Variants in RGS11 observed in about 807,000 individuals in gnomAD.
The protein encoded by RGS11 is regulator of G protein signaling 11, also known as regulator of G-protein signaling 11.
RGS11 carries 86 observed loss-of-function variants against 71.1 expected under a neutral mutation model. That is an observed-to-expected ratio of 1.21 (90% confidence interval 1.02 to 1.45). The LOEUF is 1.45. Ranked by LOEUF, RGS11 falls within the 40% of genes most tolerant of loss-of-function variation. RGS11 has a pLI of 0.00. For missense variants in RGS11, 734 were observed against 635.1 expected (o/e 1.16, Z -1.67); for synonymous variants, 298 against 254.2 (o/e 1.17, Z -1.64).
At position 269,362 on chromosome 16, in the gene RGS11, C is replaced by A; in HGVS notation, c.1311G>T (p.Arg437Ser). 6.2e-7 allele frequency: 1 copy of A among 1,603,408 alleles called. No individual in the cohort carries two copies. Among genetic ancestry groups the A allele is most frequent in the Non-Finnish European group, 8.5e-7 (1 of 1,175,584 alleles). Reference protein sequence around the residue: ...MKRRVFPFTWRPRHSSPSPAL... With the variant: ...MKRRVFPFTWSPRHSSPSPAL... ...CAGGGCTGGGGCTCGAGTGCCGTGGCCTCCACGTAAACGGGAACACGCTGT... is the reference window on the plus strand; with the variant it reads ...CAGGGCTGGGGCTCGAGTGCCGTGGACTCCACGTAAACGGGAACACGCTGT... The change falls in exon 17 of 17, where the codon AGG becomes AGT. Residue 437 changes from arginine to serine, a missense_variant. Coordinates refer to ENST00000397770, the MANE Select transcript of RGS11 (RefSeq NM_183337.3).
rs966863246 is a variant in RGS11 at position 268,848 on chromosome 16, T to C, written c.*421A>G. Reference sequence around the variant, plus strand: ...GCGCCGAGACCTGCATGTCCGCGTCTTGTGACGGGTGTGTGGGAAGCCGCC... The same window carrying C: ...GCGCCGAGACCTGCATGTCCGCGTCCTGTGACGGGTGTGTGGGAAGCCGCC... On this transcript the variant is annotated 3_prime_UTR_variant, in exon 17 of 17. Transcript: ENST00000397770. The C allele has an allele frequency of 1.9e-6, 3 of 1,550,390 alleles. No individual in the cohort carries two copies. Among genetic ancestry groups the C allele is most frequent in the South Asian group, 2.4e-5 (2 of 84,048 alleles).
At chr16:271,765 A>C in intron 9 of RGS11, 196 bp from the exon 10 acceptor site, 1 of 605,820 alleles carries the variant, frequency 1.7e-6, no homozygotes, top group Non-Finnish European at 2.9e-6. Flanking sequence ...TGGGGGCCTA[A>C]GGTCTGGCGA....
chr16:272,274 G>A, intron 9 of RGS11: 1 of 1,244,498 alleles, frequency 8.0e-7, no homozygotes. Context: ...AGCGGAGGAG[G>A]CGGACGCGCT....
At chr16:271,365 G>A (rs2051931190) in intron 11 of RGS11, 34 bp downstream of exon 11, 1 of 1,612,956 alleles carries the variant, frequency 6.2e-7, no homozygotes, top group African/African-American at 1.3e-5. Flanking sequence ...GCACTCAGCA[G>A]GGGTCTCCAG....
At position 269,094 on chromosome 16, in the gene RGS11, G is replaced by C; in HGVS notation, c.*175C>G. On this transcript the variant is annotated 3_prime_UTR_variant, in exon 17 of 17. Transcript: ENST00000397770. ...GACCCATTCCTTCTGGGCAGGGAGG[G>C]CTTGCTGGAGGGAGGGAGGCTGTGC... 1 of 926,754 alleles carries C rather than the reference G, an allele frequency of 1.1e-6. No individual in the cohort carries two copies. Among genetic ancestry groups the C allele is most frequent in the Admixed American group, 2.0e-5 (1 of 49,868 alleles). 57.4% of individuals were successfully genotyped at this position (926,754 alleles called of 1,614,324 possible).
At chr16:275,118 G>A (rs896873735) in intron 3 of RGS11, 36 bp from the exon 4 acceptor site, 2 of 1,484,236 alleles carry the variant, frequency 1.3e-6, no homozygotes, top group Non-Finnish European at 1.8e-6. Context: ...CGGGGCCGCG[G>A]AAGCGGGCGA....
rs114569898 is a variant in RGS11, at chr16:268,411, C to T, written c.*858G>A. The T allele has an allele frequency of 4.2e-5, 14 of 330,070 alleles. No individual in the cohort carries two copies. The highest frequency in any genetic ancestry group is 9.7e-5 in the South Asian group (3 of 31,074). 20.4% of individuals were successfully genotyped at this position (330,070 alleles called of 1,614,324 possible). ...ATGGGTGGGGATGGCACCGCCCTAC[C>T]GCCGAGAGAGTTGAAGCTGCACCCC... On this transcript the variant is annotated 3_prime_UTR_variant, in exon 17 of 17. Coordinates refer to ENST00000397770, the MANE Select transcript of RGS11 (RefSeq NM_183337.3).
In RGS11 at chr16:274,022, G is replaced by A. The variant is rs770218701; in HGVS notation, c.429+21C>T. ...TCCTCCAGCTGTACCCAGCCGGGGC[G>A]GGAAGGGTGGGGGGTCCCACCTTCT... On this transcript the variant is annotated intron_variant, in intron 6 of 16. Coordinates refer to ENST00000397770, the MANE Select transcript of RGS11 (RefSeq NM_183337.3). 8.6e-5 allele frequency: 132 copies of A among 1,533,596 alleles called. 1 individual carries two copies. The highest frequency in any genetic ancestry group is 5.7e-4 in the African/African-American group (37 of 64,494). 95.0% of individuals were successfully genotyped at this position (1,533,596 alleles called of 1,614,324 possible). A position where few individuals can be genotyped will look rare whatever the true frequency, so the allele number is the denominator to read the frequency against.
intron 7 of RGS11, 38 bp downstream of exon 7, chr16:273,722 G>A: frequency 6.3e-7 from 1 of 1,593,130 alleles, no homozygotes; most frequent in South Asian, 1.1e-5. Flanking sequence ...GCCTGGGTTG[G>A]GCGCCTGCAG....
chr16:273,902 T>C (rs1392847280), intron 6 of RGS11, 66 bp from the exon 7 acceptor site: 6 of 1,496,704 alleles, frequency 4.0e-6, no homozygotes, highest in East Asian at 2.3e-5. Context: ...GTGTGGGCAG[T>C]TGGGGGGTTG....
chr16:269,306 G>T lies in RGS11; in HGVS notation c.1367C>A (p.Ala456Glu), dbSNP rs374093158. 20 of 1,591,266 alleles carry T rather than the reference G, an allele frequency of 1.3e-5. No individual in the cohort carries two copies. In the African/African-American group the frequency reaches 1.7e-4, roughly 14 times the overall value. Residue 456 changes from alanine to glutamate, a missense_variant, in exon 17 of 17, where the codon GCG becomes GAG. Physicochemically the swap from Ala to Glu is moderately radical, Grantham distance 107. Transcript: ENST00000397770. Reference sequence around the variant, plus strand: ...ATCTCCACCCCCAGGGCCACAAGCCGCTGTGGGCTCCACAGGGGTGGGAAG... The same window carrying T: ...ATCTCCACCCCCAGGGCCACAAGCCTCTGTGGGCTCCACAGGGGTGGGAAG... ...ALLPTPVEPT[A>E]ACGPGGGDGV...
intron 15 of RGS11, 30 bp from the exon 16 acceptor site, chr16:269,615 CT>C: frequency 6.5e-7 from 1 of 1,535,136 alleles, no homozygotes; most frequent in South Asian, 1.1e-5. Flanking sequence ...GCCCCTGACC[CT>C]TCTGCCTCCT....
In RGS11 at chr16:268,521, A is replaced by C. The variant is rs2051773306; in HGVS notation, c.*748T>G. The stretch of plus-strand genomic sequence containing the variant: ...GGGGAGCAAGGCCAGCTCACGAAGG[A>C]AGACTTGGGCAGGGAGGATCAGGGA... On this transcript the variant is annotated 3_prime_UTR_variant, in exon 17 of 17. Transcript: ENST00000397770. The C allele has an allele frequency of 3.5e-6, 2 of 563,418 alleles. No individual in the cohort carries two copies. Among genetic ancestry groups the C allele is most frequent in the Non-Finnish European group, 6.4e-6 (2 of 314,120 alleles). 34.9% of individuals were successfully genotyped at this position (563,418 alleles called of 1,614,324 possible). A position where few individuals can be genotyped will look rare whatever the true frequency, so the allele number is the denominator to read the frequency against.
intron 15 of RGS11, among the ~76,000 whole-genome samples, chr16:270,209 A>C (rs1318154357): frequency 6.6e-6 from 1 of 152,060 alleles, no homozygotes; most frequent in Non-Finnish European, 1.5e-5. Flanking sequence ...AGATCCCGCC[A>C]CTGCACTCCA....
chr16:269,391 C>A lies in RGS11; in HGVS notation c.1290-8G>T. 1 of 1,596,500 alleles carries A rather than the reference C, an allele frequency of 6.3e-7. No homozygotes were observed. Among genetic ancestry groups the A allele is most frequent in the Non-Finnish European group, 8.5e-7 (1 of 1,170,736 alleles). On this transcript the variant is annotated splice_polypyrimidine_tract_variant and splice_region_variant and intron_variant, in intron 16 of 16. Transcript: ENST00000397770. ...CACGTAAACGGGAACACGCTGTGGG[C>A]GAGAAGGCGGCTGAGAACAGGCTGG...
At chr16:272,117 T>C in intron 9 of RGS11, 1 of 1,128,170 alleles carries the variant, frequency 8.9e-7, no homozygotes, top group African/African-American at 1.6e-5. Flanking sequence ...ATTAGAGACG[T>C]GAGCCACCGC....
rs545952731 is a variant in RGS11 at position 270,432 on chromosome 16, G to C, written c.1206+91C>G. The C allele has an allele frequency of 5.7e-4, 814 of 1,427,608 alleles. 5 individuals are homozygous for C. The African/African-American group carries it at 9.8e-3, about 17-fold the overall frequency. The allele number at this position is 1,427,608 out of a possible 1,614,324, so 88.4% of individuals were successfully genotyped here. A position where few individuals can be genotyped will look rare whatever the true frequency, so the allele number is the denominator to read the frequency against. ...CCCAGGGGCAGAGTCAACGTGGGCA[G>C]TGCCTGTGCGGACAGAGCCCTTGAG... On this transcript the variant is annotated intron_variant, in intron 15 of 16. Coordinates refer to ENST00000397770, the MANE Select transcript of RGS11 (RefSeq NM_183337.3).
At chr16:272,115 C>T (rs1385782407) in intron 9 of RGS11, 16 of 1,123,524 alleles carry the variant, frequency 1.4e-5, no homozygotes, top group Admixed American at 1.3e-4. Flanking sequence ...GGATTAGAGA[C>T]GTGAGCCACC....
At chr16:274,492 A>C in intron 4 of RGS11, 1 of 603,936 alleles carries the variant, frequency 1.7e-6, no homozygotes. Context: ...TGCCTCCCTC[A>C]CTGGTCACCC....
Sources: gnomAD v4.1 joint callset for allele counts (sites outside exome capture counted in the v4.1 genomes callset) on GRCh38, gnomAD v4.1.1 for gene constraint, MANE v1.5 for transcripts, NCBI Gene and HGNC (gene_info 2026-07-23, HGNC 2026-07-21) for gene names.